Variants in PLSCR2 observed in about 807,000 individuals in gnomAD.
PLSCR2 encodes the protein PL scramblase 2.
Under a neutral mutation model 25.3 loss-of-function variants are expected in PLSCR2, and 18 were observed. That is an observed-to-expected ratio of 0.71 (90% CI 0.49 to 1.06). The LOEUF is 1.06. Among genes scored for constraint, PLSCR2 ranks in the 50% least tolerant of loss-of-function variants. The pLI is 0.00. For missense variants in PLSCR2, 243 were observed against 269.5 expected, an observed-to-expected ratio of 0.90 and a Z score of 0.69; for synonymous variants, 88 against 87.3, an observed-to-expected ratio of 1.01 and a Z score of -0.04.
intron 1 of PLSCR2, among the ~76,000 whole-genome samples, chr3:146,477,255 G>A (rs779153002): frequency 5.9e-5 from 9 of 152,198 alleles, no homozygotes; most frequent in South Asian, 2.1e-4. Context: ...TGCAGCCCAC[G>A]GAGGGTGACC....
intron 8 of PLSCR2, among the ~76,000 whole-genome samples, chr3:146,436,311 A>G (rs2039855861): frequency 6.6e-6 from 1 of 152,202 alleles, no homozygotes; most frequent in African/African-American, 2.4e-5. Context: ...TCTGTGAAGA[A>G]AGTTCATTGG....
downstream of PLSCR2, among the ~76,000 whole-genome samples, chr3:146,441,525 T>C (rs912707478): frequency 4.0e-5 from 6 of 151,874 alleles, no homozygotes; most frequent in African/African-American, 1.4e-4. Flanking sequence ...TATATTCTTT[T>C]CCCCATATAT....
At chr3:146,419,634 A>G (rs1288730417) in intron 2 of PLSCR2, among the ~76,000 whole-genome samples, 1 of 152,094 alleles carries the variant, frequency 6.6e-6, no homozygotes, top group African/African-American at 2.4e-5. Context: ...TAGGGGCTCT[A>G]AGGAAACAAA....
At chr3:146,485,131 G>T (rs762064691) in intron 1 of PLSCR2, among the ~76,000 whole-genome samples, 1 of 151,554 alleles carries the variant, frequency 6.6e-6, no homozygotes, top group Non-Finnish European at 1.5e-5. Context: ...AAAAAAGCAG[G>T]GGTTGAGGGG....
intron 1 of PLSCR2, among the ~76,000 whole-genome samples, chr3:146,493,056 G>A (rs551557515): frequency 1.3e-4 from 20 of 151,598 alleles, no homozygotes; most frequent in Admixed American, 1.0e-3. Flanking sequence ...AGAAAATCTA[G>A]AAGAAATAAA....
intron 1 of PLSCR2, among the ~76,000 whole-genome samples, chr3:146,492,390 C>T (rs2043582965): frequency 1.3e-5 from 2 of 152,000 alleles, no homozygotes; most frequent in Admixed American, 6.6e-5. Context: ...TAAGATCAAC[C>T]ACATACTTGT....
At chr3:146,422,043 C>G (rs529884943) in intron 2 of PLSCR2, among the ~76,000 whole-genome samples, 1 of 152,172 alleles carries the variant, frequency 6.6e-6, no homozygotes, top group Non-Finnish European at 1.5e-5. Flanking sequence ...TAAAACAAAG[C>G]TCTCAGAGAC....
At chr3:146,426,501 A>G (rs1366280428) in intron 2 of PLSCR2, among the ~76,000 whole-genome samples, 1 of 152,138 alleles carries the variant, frequency 6.6e-6, no homozygotes, top group Admixed American at 6.6e-5. Flanking sequence ...AAACCTACCC[A>G]TGATCCCCAA....
At chr3:146,426,708 ATTAAT>A (rs948343927) in intron 2 of PLSCR2, among the ~76,000 whole-genome samples, 6 of 152,242 alleles carry the variant, frequency 3.9e-5, no homozygotes, top group African/African-American at 1.4e-4. Flanking sequence ...TTAATTAAAG[ATTAAT>A]TTAAAAATAT....
intron 6 of PLSCR2, among the ~76,000 whole-genome samples, chr3:146,445,895 A>G (rs1007210462): frequency 6.6e-6 from 1 of 151,958 alleles, no homozygotes; most frequent in Non-Finnish European, 1.5e-5. Context: ...AAGCCCACTC[A>G]TTATTTATTC....
At chr3:146,395,694 A>G (rs914889797) in intron 3 of PLSCR2, 1 of 160,892 alleles carries the variant, frequency 6.2e-6, no homozygotes, top group Non-Finnish European at 1.4e-5. Context: ...GAGAAATATT[A>G]GTAAAAGTGC....
chr3:146,461,195 T>C (rs749885662), upstream of PLSCR2, among the ~76,000 whole-genome samples: 31 of 152,304 alleles, frequency 2.0e-4, no homozygotes, highest in Middle Eastern at 3.4e-3. Context: ...TTCAAGGGAC[T>C]ATGTTCCTCA....
intron 2 of PLSCR2, among the ~76,000 whole-genome samples, chr3:146,422,187 G>GA (rs2039175889): frequency 1.3e-5 from 2 of 152,044 alleles, no homozygotes; most frequent in South Asian, 4.1e-4. Flanking sequence ...TTCATGCCTA[G>GA]AAGTCAGAGT....
chr3:146,452,086 G>A (rs2108335062), intron 5 of PLSCR2, among the ~76,000 whole-genome samples: 1 of 152,274 alleles, frequency 6.6e-6, no homozygotes, highest in Non-Finnish European at 1.5e-5. Context: ...TGCATTTGTG[G>A]TTGGAATTTG....
chr3:146,436,172 G>A (rs1249505983), intron 8 of PLSCR2, among the ~76,000 whole-genome samples: 1 of 152,158 alleles, frequency 6.6e-6, no homozygotes, highest in African/African-American at 2.4e-5. Flanking sequence ...TTTGGTTACT[G>A]TAGCCTTGTA....
At chr3:146,393,541 T>C (rs919835194) in intron 3 of PLSCR2, among the ~76,000 whole-genome samples, 10 of 151,452 alleles carry the variant, frequency 6.6e-5, no homozygotes, top group Admixed American at 6.6e-4. Flanking sequence ...CTGGGCACAG[T>C]GGCTCACGTC....
At chr3:146,410,423 T>G (rs900043288) in intron 2 of PLSCR2, among the ~76,000 whole-genome samples, 1 of 152,206 alleles carries the variant, frequency 6.6e-6, no homozygotes, top group South Asian at 2.1e-4. Context: ...TCCAATCACT[T>G]GGATGTGGGG....
At chr3:146,410,590 CTT>C (rs1367370132) in intron 2 of PLSCR2, among the ~76,000 whole-genome samples, 1 of 152,180 alleles carries the variant, frequency 6.6e-6, no homozygotes, top group African/African-American at 2.4e-5. Flanking sequence ...AATTTAACCT[CTT>C]GTGACAAAAA....
downstream of PLSCR2, among the ~76,000 whole-genome samples, chr3:146,437,736 T>A (rs536776779): frequency 1.3e-5 from 2 of 152,294 alleles, no homozygotes; most frequent in South Asian, 4.1e-4. Flanking sequence ...CCTGGATTCA[T>A]TAATTTTTTT....
Sources: allele counts gnomAD v4.1 joint callset (sites outside exome capture counted in the v4.1 genomes callset), GRCh38; gene constraint gnomAD v4.1.1; transcripts MANE v1.5; gene names NCBI Gene and HGNC (gene_info 2026-07-23, HGNC 2026-07-21).